RANBP2: variants seen among roughly 807,000 people sequenced by gnomAD.
RANBP2 encodes E3 SUMO-protein ligase RanBP2.
Under a neutral mutation model 303.6 loss-of-function variants are expected in RANBP2, and 57 were observed. That is an observed-to-expected ratio of 0.19 (90% CI 0.15 to 0.23). The LOEUF is 0.23. Among genes scored for constraint, RANBP2 ranks in the 10% least tolerant of loss-of-function variants. The pLI is 1.00. For synonymous variants in RANBP2, 1,167 were observed against 1,301.5 expected (o/e 0.90, Z 2.23); for missense variants, 3,138 against 3,780.8 (o/e 0.83, Z 4.46).
the RANBP2 span, among the ~76,000 whole-genome samples, chr2:109,356,479 C>T: frequency 6.6e-6 from 1 of 152,186 alleles, no homozygotes; most frequent in African/African-American, 2.4e-5. Flanking sequence ...GTTTTAGATG[C>T]CACATATGGC....
the RANBP2 span, among the ~76,000 whole-genome samples, chr2:109,033,925 C>A: frequency 7.5e-5 from 11 of 146,228 alleles, no homozygotes; most frequent in African/African-American, 2.8e-4. Context: ...CACTGCACTT[C>A]AGCCTGGCGA....
the RANBP2 span, among the ~76,000 whole-genome samples, chr2:109,725,646 C>G: frequency 6.6e-6 from 1 of 152,286 alleles, no homozygotes; most frequent in South Asian, 2.1e-4. Flanking sequence ...GTCACTGTTA[C>G]GGTGCCAGAA....
chr2:109,186,840 A>G, the RANBP2 span, among the ~76,000 whole-genome samples: 1 of 152,156 alleles, frequency 6.6e-6, no homozygotes, highest in African/African-American at 2.4e-5. Flanking sequence ...CTCCCCAGCT[A>G]TGGGGTCAGA....
chr2:109,611,661 T>C, the RANBP2 span, among the ~76,000 whole-genome samples: 1 of 152,076 alleles, frequency 6.6e-6, no homozygotes, highest in African/African-American at 2.4e-5. Context: ...TTGGGGTGGC[T>C]GAGGCAGGAG....
the RANBP2 span, among the ~76,000 whole-genome samples, chr2:109,633,710 G>A: frequency 6.6e-6 from 1 of 152,144 alleles, no homozygotes; most frequent in Non-Finnish European, 1.5e-5. Flanking sequence ...CGGAAACCCA[G>A]ATGACTCAGC....
chr2:109,732,373 G>A, the RANBP2 span, among the ~76,000 whole-genome samples: 2 of 152,198 alleles, frequency 1.3e-5, no homozygotes, highest in South Asian at 4.2e-4. Context: ...TCCTGCCCTG[G>A]GAATGCGCAC....
At chr2:109,585,732 A>T in the RANBP2 span, 1 of 1,611,852 alleles carries the variant, frequency 6.2e-7, no homozygotes. Context: ...CACACAGAGA[A>T]TATTAAAGCA....
chr2:109,105,948 G>C, the RANBP2 span, among the ~76,000 whole-genome samples: 1 of 150,912 alleles, frequency 6.6e-6, no homozygotes, highest in East Asian at 1.9e-4. Context: ...CTGCCTCCCA[G>C]GTTCAAGCAA....
chr2:109,490,882 C>G, the RANBP2 span: 1 of 1,531,240 alleles, frequency 6.5e-7, no homozygotes. Flanking sequence ...TCCCGGCAAG[C>G]TCCGCTGTCC....
chr2:109,724,702 C>G, the RANBP2 span, among the ~76,000 whole-genome samples: 1 of 152,152 alleles, frequency 6.6e-6, no homozygotes, highest in Non-Finnish European at 1.5e-5. Flanking sequence ...CTCAAATTGC[C>G]GGTTTTCTCG....
chr2:109,181,137 A>G, the RANBP2 span, among the ~76,000 whole-genome samples: 1 of 152,180 alleles, frequency 6.6e-6, no homozygotes, highest in Non-Finnish European at 1.5e-5. Context: ...AGGTCCTTCC[A>G]GCTCGTCTGT....
At chr2:109,165,712 G>C in the RANBP2 span, among the ~76,000 whole-genome samples, 2 of 152,164 alleles carry the variant, frequency 1.3e-5, no homozygotes, top group Non-Finnish European at 2.9e-5. Context: ...ATGGACGAGT[G>C]GGGAGGCTTT....
the RANBP2 span, among the ~76,000 whole-genome samples, chr2:109,425,236 GT>G: frequency 6.6e-6 from 1 of 152,252 alleles, no homozygotes; most frequent in Admixed American, 6.5e-5. Flanking sequence ...GCAGAGGTTG[GT>G]TCGTGAGGTT....
the RANBP2 span, among the ~76,000 whole-genome samples, chr2:108,985,216 A>G: frequency 1.1e-4 from 17 of 152,348 alleles, no homozygotes; most frequent in East Asian, 3.3e-3. Context: ...AGTTAACAAC[A>G]TCAGCCTTAA....
chr2:109,548,775 C>CAAA, the RANBP2 span, among the ~76,000 whole-genome samples: 622 of 63,562 alleles, frequency 9.8e-3, 115 homozygotes, highest in Non-Finnish European at 0.013. Flanking sequence ...GGCTCCATCT[C>CAAA]AAAAAAAAAA....
chr2:108,872,112 C>T, the RANBP2 span, among the ~76,000 whole-genome samples: 1 of 152,168 alleles, frequency 6.6e-6, no homozygotes, highest in African/African-American at 2.4e-5. Context: ...TTTTTAATCT[C>T]TTTTGCTTTT....
chr2:109,196,800 C>T, the RANBP2 span, among the ~76,000 whole-genome samples: 3 of 152,196 alleles, frequency 2.0e-5, no homozygotes, highest in Non-Finnish European at 4.4e-5. Flanking sequence ...CAATAGCATA[C>T]GGTCTGACTG....
the RANBP2 span, among the ~76,000 whole-genome samples, chr2:109,644,359 C>G: frequency 1.4e-3 from 208 of 152,232 alleles, no homozygotes; most frequent in African/African-American, 4.2e-3. Flanking sequence ...ACGAATTTCT[C>G]TTTCACTATT....
chr2:109,138,289 A>G, the RANBP2 span, among the ~76,000 whole-genome samples: 1 of 152,212 alleles, frequency 6.6e-6, no homozygotes, highest in East Asian at 1.9e-4. Flanking sequence ...GGCCTCCCAA[A>G]GTGCTGGGAT....
Sources: allele counts gnomAD v4.1 joint callset (sites outside exome capture counted in the v4.1 genomes callset), GRCh38; gene constraint gnomAD v4.1.1; transcripts MANE v1.5; gene names NCBI Gene and HGNC (gene_info 2026-07-23, HGNC 2026-07-21).